The following EEF1AKMT2 variants were observed in gnomAD, a reference collection of about 807,000 sequenced individuals.
EEF1AKMT2 encodes eukaryotic translation elongation factor 1 alpha lysine methyltransferase 2.
A neutral mutation model predicts 35.8 loss-of-function variants in EEF1AKMT2; 32 were observed. The ratio of observed to expected loss-of-function variants is 0.89; its 90% CI spans 0.67 to 1.20. EEF1AKMT2 has a LOEUF of 1.20. Among genes scored for constraint, EEF1AKMT2 ranks in the 50% most tolerant of loss-of-function variants. The pLI is 0.00. For missense variants in EEF1AKMT2, 330 were observed against 347.5 expected (o/e 0.95, Z 0.40); for synonymous variants, 121 against 133.7 (o/e 0.91, Z 0.65).
At chr10:124,784,220 C>A (rs1950565827) in intron 3 of EEF1AKMT2, among the ~76,000 whole-genome samples, 1 of 151,986 alleles carries the variant, frequency 6.6e-6, no homozygotes, top group Non-Finnish European at 1.5e-5. Flanking sequence ...GGATTGAAAT[C>A]ATACAAATCA....
chr10:124,774,698 C>A lies in EEF1AKMT2; in HGVS notation c.376G>T (p.Gly126Cys). 6 of 1,450,088 alleles carry A rather than the reference C, an allele frequency of 4.1e-6. No individual in the cohort carries two copies. Among genetic ancestry groups the A allele is most frequent in the East Asian group, 5.2e-5 (2 of 38,674 alleles). The allele number at this position is 1,450,088 out of a possible 1,614,324, so 89.8% of individuals were successfully genotyped here. Residue 126 changes from glycine (G) to cysteine (C), a missense_variant, in exon 4 of 7, where the codon GGT becomes TGT. Physicochemically the swap from Gly to Cys is radical, Grantham distance 159. Coordinates refer to ENST00000368836, the MANE Select transcript of EEF1AKMT2 (RefSeq NM_212554.4). ...QLSGSIIEKE[G>C]LSNIKLKVED... ...ACCTTTAACTTAATGTTAGATAAAC[C>A]TTCTTTTTCTATAATACTTCCAGAA...
Position 124,762,370 on chromosome 10 carries a change from A to T in EEF1AKMT2, c.805T>A (p.Ser269Thr). ...GGAGGCCAGGTGGGAGAATCACTTG[A>T]GCCCAGGAGTTCCAGACCAGCCTGG... ...VVQAGLELLG[S>T]SDSPTWPPKV... is the part of the protein sequence containing the mutation. Residue 269 changes from serine to threonine, a missense_variant, in exon 6 of 7, where the codon TCA (serine) becomes ACA (threonine). Ser to Thr is a moderately conservative substitution (Grantham distance 58, BLOSUM62 1). Transcript: ENST00000368836. 7.9e-6 allele frequency: 10 copies of T among 1,269,798 alleles called. No homozygotes were observed. The highest frequency in any genetic ancestry group is 1.0e-5 in the Non-Finnish European group (10 of 963,970). 78.7% of individuals were successfully genotyped at this position (1,269,798 alleles called of 1,614,324 possible). A position where few individuals can be genotyped will look rare whatever the true frequency, so the allele number is the denominator to read the frequency against.
intron 4 of EEF1AKMT2, among the ~76,000 whole-genome samples, chr10:124,768,682 C>T (rs1041000251): frequency 2.0e-5 from 3 of 151,508 alleles, no homozygotes; most frequent in Non-Finnish European, 4.4e-5. Context: ...CTCAGGAGGC[C>T]GAGGTTGCAG....
chr10:124,761,150 G>A (rs980028144), intron 6 of EEF1AKMT2, among the ~76,000 whole-genome samples: 1 of 152,234 alleles, frequency 6.6e-6, no homozygotes, highest in Non-Finnish European at 1.5e-5. Flanking sequence ...TTACAGGCGT[G>A]AGCAACATCG....
Position 124,774,804 on chromosome 10 carries a change from C to A in EEF1AKMT2, c.292-22G>T. 6.1e-6 allele frequency: 7 copies of A among 1,149,830 alleles called. No individual in the cohort carries two copies. In the South Asian group the frequency reaches 1.4e-4, roughly 23 times the overall value. The allele number at this position is 1,149,830 out of a possible 1,614,324, so 71.2% of individuals were successfully genotyped here. A position where few individuals can be genotyped will look rare whatever the true frequency, so the allele number is the denominator to read the frequency against. ...TTGCCTAGAGAGAAATAATTTTATACTTTAGTATAAAATTTTAATATAATG... is the reference window on the plus strand; with the variant it reads ...TTGCCTAGAGAGAAATAATTTTATAATTTAGTATAAAATTTTAATATAATG... On this transcript the variant is annotated intron_variant, in intron 3 of 6. Transcript: ENST00000368836.
rs535655524 is a variant in EEF1AKMT2, at chr10:124,783,770, C to G, written c.291+5273G>C. Among the ~76,000 whole-genome samples, 3 of 152,240 alleles carry G rather than the reference C, an allele frequency of 2.0e-5. No homozygotes were observed. In the East Asian group the frequency reaches 5.8e-4, roughly 29 times the overall value. On this transcript the variant is annotated intron_variant, in intron 3 of 6. Coordinates refer to ENST00000368836, the MANE Select transcript of EEF1AKMT2 (RefSeq NM_212554.4). ...AGGTGATCCTCCCACTTCAGCCTCC[C>G]AAGTAGCTGGGACTACAGGTGCACT...
chr10:124,791,251 C>T lies in EEF1AKMT2; in HGVS notation c.110+473G>A, dbSNP rs1371116388. ...GATCGCTTTCTTTCACCCCAAGATC[C>T]CCCACTATCTCCCCGCTCCCGCCTC... On this transcript the variant is annotated intron_variant, in intron 1 of 6. Coordinates refer to ENST00000368836, the MANE Select transcript of EEF1AKMT2 (RefSeq NM_212554.4). Among the ~76,000 whole-genome samples, 3 of 151,908 alleles carry T rather than the reference C, an allele frequency of 2.0e-5. No homozygotes were observed. In the South Asian group the frequency reaches 6.2e-4, roughly 32 times the overall value.
At chr10:124,770,821 G>C (rs116733830) in intron 4 of EEF1AKMT2, among the ~76,000 whole-genome samples, 1 of 152,048 alleles carries the variant, frequency 6.6e-6, no homozygotes, top group South Asian at 2.1e-4. Flanking sequence ...TTCTCTGGTC[G>C]TCCACCATAA....
chr10:124,769,779 G>A (rs775466105), intron 4 of EEF1AKMT2, among the ~76,000 whole-genome samples: 1 of 147,052 alleles, frequency 6.8e-6, no homozygotes, highest in Non-Finnish European at 1.5e-5. Flanking sequence ...AAACCCCATC[G>A]CTACTAAAAA....
chr10:124,779,153 C>A (rs1332356027), intron 3 of EEF1AKMT2, among the ~76,000 whole-genome samples: 1 of 151,796 alleles, frequency 6.6e-6, no homozygotes, highest in African/African-American at 2.4e-5. Context: ...TTTATGGAAA[C>A]AGGGTTTCCT....
At chr10:124,769,218 C>CAAAAAAAAAAAAAAAAAAAAAAAAAAAAA (rs1554917142) in intron 4 of EEF1AKMT2, among the ~76,000 whole-genome samples, 1 of 31,300 alleles carries the variant, frequency 3.2e-5, no homozygotes, top group Non-Finnish European at 5.6e-5. Context: ...ACACTGTCTC[C>CAAAAAAAAAAAAAAAAAAAAAAAAAAAAA]AAAAAAAAAA....
At chr10:124,766,997 TA>T (rs1040530947) in intron 4 of EEF1AKMT2, among the ~76,000 whole-genome samples, 59 of 148,992 alleles carry the variant, frequency 4.0e-4, no homozygotes, top group African/African-American at 1.4e-3. Context: ...CTGTCTCTAC[TA>T]AAAATACAAA....
At chr10:124,771,356 C>T (rs1174087600) in intron 4 of EEF1AKMT2, among the ~76,000 whole-genome samples, 1 of 151,586 alleles carries the variant, frequency 6.6e-6, no homozygotes, top group Non-Finnish European at 1.5e-5. Context: ...ACCTTGGCCT[C>T]CCAAGATGCT....
intron 3 of EEF1AKMT2, among the ~76,000 whole-genome samples, chr10:124,787,433 CAAAAAAAAAA>C (rs398015024): frequency 1.6e-4 from 6 of 37,432 alleles, no homozygotes; most frequent in Non-Finnish European, 4.2e-5. Context: ...GACTCTGTCT[CAAAAAAAAAA>C]AAAAAAAAAA....
downstream of EEF1AKMT2, among the ~76,000 whole-genome samples, chr10:124,757,101 G>C (rs2134115131): frequency 6.6e-6 from 1 of 151,682 alleles, no homozygotes; most frequent in South Asian, 2.1e-4. Flanking sequence ...TCTAGGTCAT[G>C]GGCAGCCTTC....
At chr10:124,783,020 GA>G in intron 3 of EEF1AKMT2, 1 of 403,330 alleles carries the variant, frequency 2.5e-6, no homozygotes, top group Non-Finnish European at 4.8e-6. Flanking sequence ...TAAAAGGATG[GA>G]AAACAATATA....
intron 4 of EEF1AKMT2, among the ~76,000 whole-genome samples, chr10:124,771,303 G>A (rs1589783525): frequency 6.6e-6 from 1 of 151,662 alleles, no homozygotes; most frequent in South Asian, 2.1e-4. Flanking sequence ...GTTTCACCAT[G>A]TTAGCCAGGA....
At chr10:124,757,128 G>C (rs965954148), downstream of EEF1AKMT2, among the ~76,000 whole-genome samples, 1 of 150,674 alleles carries the variant, frequency 6.6e-6, no homozygotes, top group African/African-American at 2.5e-5. Flanking sequence ...TGAAATGTAC[G>C]AGACAAGACT....
chr10:124,768,254 T>C (rs968205478), intron 4 of EEF1AKMT2, among the ~76,000 whole-genome samples: 24 of 152,098 alleles, frequency 1.6e-4, no homozygotes, highest in Admixed American at 5.2e-4. Flanking sequence ...CTATTTACAA[T>C]GCAATGGGGA....
Sources: gnomAD v4.1 joint callset for allele counts (sites outside exome capture counted in the v4.1 genomes callset) on GRCh38, gnomAD v4.1.1 for gene constraint, MANE v1.5 for transcripts, NCBI Gene and HGNC (gene_info 2026-07-23, HGNC 2026-07-21) for gene names.